Variants in ADAMTSL1 observed in about 807,000 individuals in gnomAD.
ADAMTSL1 encodes the protein ADAMTS like 1.
Under a neutral mutation model 201.8 loss-of-function variants are expected in ADAMTSL1, and 126 were observed. That is an observed-to-expected ratio of 0.62 (90% CI 0.54 to 0.72). ADAMTSL1 has a LOEUF of 0.72. Among genes scored for constraint, ADAMTSL1 ranks in the 30% least tolerant of loss-of-function variants. The pLI is 0.00. For missense variants in ADAMTSL1, 2,679 were observed against 2,277.8 expected, an observed-to-expected ratio of 1.18 and a Z score of -3.59; for synonymous variants, 1,121 against 903.4, an observed-to-expected ratio of 1.24 and a Z score of -4.32.
rs753230182 is a variant in ADAMTSL1, at chr9:18,661,984, G to C, written c.996G>C (p.Val332=). 1.2e-6 allele frequency: 2 copies of C among 1,614,024 alleles called. No individual in the cohort carries two copies. Among genetic ancestry groups the C allele is most frequent in the East Asian group, 4.5e-5 (2 of 44,888 alleles). Residue 332 remains valine, a synonymous_variant, in exon 9 of 29, where the codon GTG becomes GTC. Transcript: ENST00000380548. ...GCTACGATCTGAGGAGCAACCGTGTGGTTGCTGACCAATACTGTCACTATT... is the reference window on the plus strand; with the variant it reads ...GCTACGATCTGAGGAGCAACCGTGTCGTTGCTGACCAATACTGTCACTATT... ...AECYDLRSNR[V]VADQYCHYYP...
At chr9:18,309,850 A>G (rs541464804) in intron 2 of ADAMTSL1, among the ~76,000 whole-genome samples, 39 of 152,252 alleles carry the variant, frequency 2.6e-4, no homozygotes, top group South Asian at 6.2e-4. Context: ...CAAATTTCAT[A>G]TGGAACCAAA....
intron 1 of ADAMTSL1, among the ~76,000 whole-genome samples, chr9:18,043,059 C>A (rs990136748): frequency 6.6e-6 from 1 of 152,158 alleles, no homozygotes; most frequent in African/African-American, 2.4e-5. Flanking sequence ...GGAACATTTA[C>A]ACGCTAGAAA....
chr9:18,431,877 A>G (rs1157808612), intron 2 of ADAMTSL1, among the ~76,000 whole-genome samples: 2 of 152,166 alleles, frequency 1.3e-5, no homozygotes, highest in African/African-American at 4.8e-5. Flanking sequence ...ACTAATATCT[A>G]TATAGGCTGG....
At chr9:18,440,700 C>T (rs1819958691) in intron 2 of ADAMTSL1, among the ~76,000 whole-genome samples, 2 of 151,500 alleles carry the variant, frequency 1.3e-5, no homozygotes, top group African/African-American at 4.8e-5. Context: ...TATGATGCAT[C>T]ATTTTGAAGA....
Position 18,681,907 on chromosome 9 carries a change from G to A in ADAMTSL1, c.1437G>A (p.Lys479=), listed in dbSNP as rs1324691441. Residue 479 remains lysine, a synonymous_variant, in exon 12 of 29, where the codon AAG becomes AAA. Coordinates refer to ENST00000380548, the MANE Select transcript of ADAMTSL1 (RefSeq NM_001040272.6). The part of the protein sequence containing the change: ...MHTGGCSPKT[K]PHIKEECIVP... ...CAGGAGGCTGTAGCCCAAAAACAAA[G>A]CCCCACATAAAAGAGGAATGCATCG... is the stretch of plus-strand genomic sequence containing the variant. 6.2e-7 allele frequency: 1 copy of A among 1,614,026 alleles called. No homozygotes were observed. Among genetic ancestry groups the A allele is most frequent in the Non-Finnish European group, 8.5e-7 (1 of 1,180,000 alleles).
intron 2 of ADAMTSL1, among the ~76,000 whole-genome samples, chr9:18,388,716 C>G (rs1452969635): frequency 6.7e-6 from 1 of 148,448 alleles, no homozygotes; most frequent in East Asian, 2.0e-4. Flanking sequence ...TATTCTATTT[C>G]GATTTTTTGT....
intron 5 of ADAMTSL1, among the ~76,000 whole-genome samples, chr9:18,632,107 A>G (rs1207724833): frequency 6.6e-6 from 1 of 152,196 alleles, no homozygotes; most frequent in Non-Finnish European, 1.5e-5. Context: ...AATGGCATTA[A>G]TCACCAAGGA....
At chr9:18,614,651 C>T (rs1299327708) in intron 4 of ADAMTSL1, among the ~76,000 whole-genome samples, 3 of 152,114 alleles carry the variant, frequency 2.0e-5, no homozygotes, top group Admixed American at 2.0e-4. Context: ...TCTACTCTCA[C>T]CTGTTCTGAG....
At chr9:18,126,043 A>G (rs1463617968) in intron 1 of ADAMTSL1, among the ~76,000 whole-genome samples, 1 of 152,124 alleles carries the variant, frequency 6.6e-6, no homozygotes, top group Non-Finnish European at 1.5e-5. Context: ...CAAAACCTCA[A>G]CACCGTCATG....
chr9:18,701,312 C>T (rs754930713), intron 13 of ADAMTSL1, among the ~76,000 whole-genome samples: 7 of 151,092 alleles, frequency 4.6e-5, no homozygotes, highest in African/African-American at 7.3e-5. Flanking sequence ...CTCCACCTCC[C>T]GGGTTCAAGC....
intron 23 of ADAMTSL1, among the ~76,000 whole-genome samples, chr9:18,873,511 A>G (rs1827978076): frequency 6.6e-6 from 1 of 152,094 alleles, no homozygotes; most frequent in Non-Finnish European, 1.5e-5. Context: ...TCATTCTCCT[A>G]CATGTGGCTT....
intron 1 of ADAMTSL1, among the ~76,000 whole-genome samples, chr9:18,017,710 G>A (rs1820316888): frequency 6.6e-6 from 1 of 151,924 alleles, no homozygotes; most frequent in African/African-American, 2.4e-5. Flanking sequence ...GCTGTGAACT[G>A]GCTACGTTTC....
chr9:18,680,590 G>A (rs1033357885), intron 11 of ADAMTSL1, 74 bp downstream of exon 11: 2 of 1,535,578 alleles, frequency 1.3e-6, no homozygotes, highest in African/African-American at 2.7e-5. Flanking sequence ...GGCCCCACCG[G>A]GTACCCTGAG....
chr9:18,712,443 G>C (rs1005316162), intron 14 of ADAMTSL1, among the ~76,000 whole-genome samples: 2 of 151,768 alleles, frequency 1.3e-5, no homozygotes, highest in Admixed American at 6.6e-5. Context: ...CCAGAACTAC[G>C]TGAAGAATGC....
chr9:18,513,585 C>A (rs1263521496), intron 2 of ADAMTSL1, among the ~76,000 whole-genome samples: 1 of 152,174 alleles, frequency 6.6e-6, no homozygotes, highest in Non-Finnish European at 1.5e-5. Flanking sequence ...TATTAGGAAG[C>A]TTTGCCCCTG....
chr9:18,753,482 G>T lies in ADAMTSL1; in HGVS notation c.2191G>T (p.Ala731Ser), dbSNP rs1218583079. 1.2e-6 allele frequency: 2 copies of T among 1,612,784 alleles called. No homozygotes were observed. The highest frequency in any genetic ancestry group is 1.1e-5 in the South Asian group (1 of 90,800). Residue 731 changes from alanine to serine, a missense_variant, in exon 16 of 29, where the codon GCC becomes TCC. Ala to Ser is a moderately conservative substitution (Grantham distance 99). Coordinates refer to ENST00000380548, the MANE Select transcript of ADAMTSL1 (RefSeq NM_001040272.6). The stretch of plus-strand genomic sequence containing the variant: ...TTGTAACCGCTTTAATTGCCCCCCA[G>T]CCTGGTACCCTGCACAGTGGCAGCC... The part of the protein sequence containing the change: ...QACNRFNCPP[A>S]WYPAQWQPCS...
intron 2 of ADAMTSL1, among the ~76,000 whole-genome samples, chr9:18,382,602 C>G (rs1240721981): frequency 6.6e-6 from 1 of 151,968 alleles, no homozygotes; most frequent in Non-Finnish European, 1.5e-5. Context: ...ATATCAGTAT[C>G]TCCAGAGAAA....
intron 1 of ADAMTSL1, among the ~76,000 whole-genome samples, chr9:18,076,143 T>A (rs1174605388): frequency 6.6e-6 from 1 of 152,232 alleles, no homozygotes; most frequent in Non-Finnish European, 1.5e-5. Flanking sequence ...CTAACCAAGA[T>A]CTATTCCCGT....
chr9:18,169,303 T>G (rs1738920586), intron 2 of ADAMTSL1, among the ~76,000 whole-genome samples: 1 of 151,886 alleles, frequency 6.6e-6, no homozygotes, highest in Non-Finnish European at 1.5e-5. Flanking sequence ...GATTTTTGTA[T>G]AAGGTGTAAG....
Sources: allele counts gnomAD v4.1 joint callset (sites outside exome capture counted in the v4.1 genomes callset), GRCh38; gene constraint gnomAD v4.1.1; transcripts MANE v1.5; gene names NCBI Gene and HGNC (gene_info 2026-07-23, HGNC 2026-07-21).